The following SORCS2 variants were observed in gnomAD, a reference collection of about 807,000 sequenced individuals.
SORCS2 encodes the protein sortilin related VPS10 domain containing receptor 2, also known as VPS10 domain-containing receptor SorCS2.
SORCS2 carries 100 observed loss-of-function variants against 141.6 expected under a neutral mutation model. That is an observed-to-expected ratio of 0.71 (90% CI 0.60 to 0.83). The LOEUF (loss-of-function observed/expected upper bound fraction) is 0.83, where lower values mean the gene tolerates loss of function less well. Ranked by LOEUF, SORCS2 falls within the 40% of genes least tolerant of loss-of-function variation. SORCS2 has a pLI of 0.00. For synonymous variants in SORCS2, 789 were observed against 676.9 expected, an observed-to-expected ratio of 1.17 and a Z score of -2.57; for missense variants, 1,646 against 1,560.2, an observed-to-expected ratio of 1.05 and a Z score of -0.93.
At chr4:7,327,467 C>T (rs1456744655) in intron 1 of SORCS2, among the ~76,000 whole-genome samples, 3 of 152,232 alleles carry the variant, frequency 2.0e-5, no homozygotes, top group Admixed American at 6.5e-5. Flanking sequence ...GTGGTTACAT[C>T]TGCAAAGACC....
chr4:7,505,323 C>T (rs563339278), intron 2 of SORCS2, among the ~76,000 whole-genome samples: 18 of 152,256 alleles, frequency 1.2e-4, no homozygotes, highest in South Asian at 2.1e-4. Flanking sequence ...GAGCCAGGCA[C>T]GGGGCTGGGG....
rs983682762 is a variant in SORCS2, at chr4:7,449,643, G to A, written c.548+53288G>A. Among the ~76,000 whole-genome samples the A allele has an allele frequency of 7.9e-5, 12 of 151,868 alleles. 1 individual carries two copies. Among genetic ancestry groups the A allele is most frequent in the Admixed American group, 5.9e-4 (9 of 15,248 alleles). Reference sequence around the variant, plus strand: ...GTGTTTGTTCATGGATTCACGTTGGGTGGGCTTGGCTCTGTGCAAGGTCCT... The same window carrying A: ...GTGTTTGTTCATGGATTCACGTTGGATGGGCTTGGCTCTGTGCAAGGTCCT... On this transcript the variant is annotated intron_variant, in intron 2 of 26. Transcript: ENST00000507866.
intron 2 of SORCS2, among the ~76,000 whole-genome samples, chr4:7,487,590 A>C (rs975209980): frequency 2.6e-5 from 4 of 152,296 alleles, no homozygotes; most frequent in African/African-American, 9.6e-5. Context: ...TGGCCTCTGC[A>C]CTTCTACCAT....
chr4:7,496,281 G>C (rs1322870450), intron 2 of SORCS2, among the ~76,000 whole-genome samples: 1 of 151,052 alleles, frequency 6.6e-6, no homozygotes, highest in African/African-American at 2.4e-5. Context: ...TAAGGAGCTA[G>C]AAGCCTGGAG....
At chr4:7,694,866 C>T (rs1391444100) in intron 11 of SORCS2, among the ~76,000 whole-genome samples, 1 of 152,130 alleles carries the variant, frequency 6.6e-6, no homozygotes, top group African/African-American at 2.4e-5. Flanking sequence ...CACCCAGTCC[C>T]CTTTCCCTTG....
intron 1 of SORCS2, among the ~76,000 whole-genome samples, chr4:7,312,618 T>C (rs1371919504): frequency 6.6e-6 from 1 of 152,234 alleles, no homozygotes; most frequent in African/African-American, 2.4e-5. Context: ...CCCTCTGTTC[T>C]GTGCTGTGAG....
intron 24 of SORCS2, 129 bp from the exon 25 acceptor site, chr4:7,734,143 G>A (rs1711945944): frequency 1.5e-6 from 1 of 649,922 alleles, no homozygotes; most frequent in African/African-American, 1.9e-5. Context: ...GCCAGGGACA[G>A]GCAGGGGACA....
chr4:7,739,181 C>T (rs1315113076), intron 26 of SORCS2, among the ~76,000 whole-genome samples: 2 of 152,230 alleles, frequency 1.3e-5, no homozygotes, highest in Non-Finnish European at 2.9e-5. Flanking sequence ...GAGCCGGGCT[C>T]AAGCCTGACT....
At chr4:7,477,163 C>G (rs952861951) in intron 2 of SORCS2, among the ~76,000 whole-genome samples, 1 of 152,238 alleles carries the variant, frequency 6.6e-6, no homozygotes, top group Non-Finnish European at 1.5e-5. Flanking sequence ...CAGGGCAGTG[C>G]TGTGGACAGG....
At chr4:7,335,211 G>A (rs1296486892) in intron 1 of SORCS2, among the ~76,000 whole-genome samples, 3 of 152,156 alleles carry the variant, frequency 2.0e-5, no homozygotes, top group Non-Finnish European at 2.9e-5. Context: ...TCCTCTCTAC[G>A]TTCAAGTTTT....
intron 3 of SORCS2, among the ~76,000 whole-genome samples, chr4:7,570,207 AGCCCGTCT>A (rs1715293116): frequency 6.6e-6 from 1 of 152,208 alleles, no homozygotes; most frequent in Non-Finnish European, 1.5e-5. Flanking sequence ...ATTAGAACGC[AGCCCGTCT>A]GCTGTGGAGT....
intron 14 of SORCS2, among the ~76,000 whole-genome samples, chr4:7,711,926 C>A (rs1325105879): frequency 6.6e-6 from 1 of 152,108 alleles, no homozygotes; most frequent in African/African-American, 2.4e-5. Context: ...CTTTTCTAGA[C>A]CCTTCTCGGT....
chr4:7,671,834 G>T (rs1722815616), intron 8 of SORCS2, among the ~76,000 whole-genome samples: 1 of 151,624 alleles, frequency 6.6e-6, no homozygotes, highest in Non-Finnish European at 1.5e-5. Context: ...AATTTATATT[G>T]ATGAAAGACA....
At chr4:7,578,097 A>G (rs1715887581) in intron 3 of SORCS2, among the ~76,000 whole-genome samples, 1 of 152,198 alleles carries the variant, frequency 6.6e-6, no homozygotes, top group African/African-American at 2.4e-5. Flanking sequence ...CCTCATGAAT[A>G]GATTAATGTC....
intron 1 of SORCS2, among the ~76,000 whole-genome samples, chr4:7,280,217 G>A (rs1173028377): frequency 2.6e-5 from 4 of 152,104 alleles, no homozygotes; most frequent in Non-Finnish European, 5.9e-5. Flanking sequence ...TACCCACAGA[G>A]AAACAGGGAC....
chr4:7,543,230 A>G (rs949297926), intron 3 of SORCS2, among the ~76,000 whole-genome samples: 4 of 152,194 alleles, frequency 2.6e-5, no homozygotes, highest in African/African-American at 9.7e-5. Flanking sequence ...TTGGGAGACA[A>G]ACGGGGTGAC....
At chr4:7,418,252 G>T (rs1482609375) in intron 2 of SORCS2, among the ~76,000 whole-genome samples, 1 of 152,164 alleles carries the variant, frequency 6.6e-6, no homozygotes, top group Non-Finnish European at 1.5e-5. Flanking sequence ...CTAGCAGGGA[G>T]GCAGACAAGT....
At chr4:7,433,674 C>T (rs1560280977) in intron 2 of SORCS2, 2 of 1,609,818 alleles carry the variant, frequency 1.2e-6, no homozygotes, top group Admixed American at 1.7e-5. Flanking sequence ...ACACCGTGAG[C>T]AGCCTCTTGC....
intron 4 of SORCS2, among the ~76,000 whole-genome samples, chr4:7,652,867 T>G (rs756333285): frequency 1.3e-5 from 2 of 152,228 alleles, no homozygotes; most frequent in Admixed American, 6.5e-5. Context: ...CAGGGTGCAG[T>G]GCAAAGTGAA....
Sources: allele counts gnomAD v4.1 joint callset (sites outside exome capture counted in the v4.1 genomes callset), GRCh38; gene constraint gnomAD v4.1.1; transcripts MANE v1.5; gene names NCBI Gene and HGNC (gene_info 2026-07-23, HGNC 2026-07-21).